CCDC88C: variants seen among roughly 807,000 people sequenced by gnomAD.
CCDC88C encodes protein Daple.
CCDC88C carries 131 observed loss-of-function variants against 198.8 expected under a neutral mutation model. The ratio of observed to expected loss-of-function variants is 0.66; its 90% CI spans 0.57 to 0.76. The LOEUF (loss-of-function observed/expected upper bound fraction) is 0.76. CCDC88C is among the 30% of genes least tolerant of loss of function. The pLI, the probability that CCDC88C is intolerant of heterozygous loss-of-function variation, is 0.00. For missense variants in CCDC88C, 2,553 were observed against 2,631.6 expected, an observed-to-expected ratio of 0.97 and a Z score of 0.65; for synonymous variants, 1,166 against 1,114.7, an observed-to-expected ratio of 1.05 and a Z score of -0.92.
rs921553905 is a variant in CCDC88C, at chr14:91,313,575, G to C, written c.2241C>G (p.Leu747=). 7.4e-6 allele frequency: 12 copies of C among 1,611,858 alleles called. No individual in the cohort carries two copies. In the African/African-American group the frequency reaches 1.6e-4, roughly 22 times the overall value. ...GCTCTGACTTCTTGCCCAGCGCCTT[G>C]AGCAGATCCACGTTCTTCCTCAGCT... is the stretch of plus-strand genomic sequence containing the variant. ...KEELRKNVDL[L]KALGKKSERL... is the part of the protein sequence containing the mutation. The change falls in exon 15 of 30, where the codon CTC becomes CTG. Residue 747 remains leucine (L), a synonymous_variant. Transcript: ENST00000389857. This position sits in a 1 kb window ranked among gnomAD's most constrained non-coding sequence, Gnocchi z 5.2.
chr14:91,327,334 A>C (rs1056134122), intron 10 of CCDC88C, among the ~76,000 whole-genome samples: 5 of 152,198 alleles, frequency 3.3e-5, no homozygotes, highest in African/African-American at 1.2e-4. Flanking sequence ...CTTTGATCAA[A>C]GCCTGGCAGG....
At position 91,339,896 on chromosome 14, in the gene CCDC88C, G is replaced by C. The variant is rs368679007; in HGVS notation, c.612C>G (p.Asp204Glu). ...LHLRRLIDQR[D>E]ECTELIVDLT... ...CCCGCGGACGCACCTCGGTGCACTCGTCCCGCTGGTCGATGAGCCTCCGCA... is the reference window on the plus strand; with the variant it reads ...CCCGCGGACGCACCTCGGTGCACTCCTCCCGCTGGTCGATGAGCCTCCGCA... Residue 204 changes from aspartate (D) to glutamate (E), a missense_variant, in exon 7 of 30, where the codon GAC becomes GAG. Coordinates refer to ENST00000389857, the MANE Select transcript of CCDC88C (RefSeq NM_001080414.4). The surrounding 1 kb of genome is among the most constrained non-coding windows in gnomAD (Gnocchi z 5.8). 19 of 1,587,484 alleles carry C rather than the reference G, an allele frequency of 1.2e-5. No individual in the cohort carries two copies. The highest frequency in any genetic ancestry group is 1.6e-5 in the Non-Finnish European group (19 of 1,168,214).
intron 4 of CCDC88C, among the ~76,000 whole-genome samples, chr14:91,357,198 A>G (rs1894073800): frequency 6.6e-6 from 1 of 152,120 alleles, no homozygotes; most frequent in South Asian, 2.1e-4. Flanking sequence ...CTCCCTATAA[A>G]CGGAAATGGG....
At chr14:91,322,994 C>T (rs1892423921) in intron 12 of CCDC88C, among the ~76,000 whole-genome samples, 2 of 151,612 alleles carry the variant, frequency 1.3e-5, no homozygotes, top group South Asian at 4.2e-4. Flanking sequence ...CAACCTCCAC[C>T]TCTCAGGTTC....
intron 29 of CCDC88C, 125 bp downstream of exon 29, chr14:91,277,797 G>T: frequency 8.9e-7 from 1 of 1,128,410 alleles, no homozygotes; most frequent in Non-Finnish European, 1.2e-6. Context: ...AGCCTCTCAT[G>T]TCCAAGCCAG....
rs532718800 is a variant in CCDC88C at position 91,355,167 on chromosome 14, G to C, written c.340+4475C>G. On this transcript the variant is annotated intron_variant, in intron 4 of 29. Coordinates refer to ENST00000389857, the MANE Select transcript of CCDC88C (RefSeq NM_001080414.4). ...CACTGCCCTGGGGAGCAGCCAGGCG[G>C]AAGCAGGGGAGCTGGTGGTGGTGAG... Among the ~76,000 whole-genome samples, 253 of 152,348 alleles carry C rather than the reference G, an allele frequency of 1.7e-3. 1 individual carries two copies. The highest frequency in any genetic ancestry group is 5.2e-3 in the African/African-American group (217 of 41,584).
At chr14:91,322,292 C>T (rs1236546733) in intron 12 of CCDC88C, among the ~76,000 whole-genome samples, 1 of 152,162 alleles carries the variant, frequency 6.6e-6, no homozygotes, top group Non-Finnish European at 1.5e-5. Flanking sequence ...TCAGATTCCC[C>T]GGGTGATCAT....
chr14:91,377,057 T>G (rs1044008905), intron 3 of CCDC88C, among the ~76,000 whole-genome samples: 2 of 148,058 alleles, frequency 1.4e-5, no homozygotes, highest in African/African-American at 2.5e-5. Flanking sequence ...ACACTGGTCT[T>G]GAAGAAAGGA....
chr14:91,392,932 T>C (rs1308077135), intron 3 of CCDC88C, among the ~76,000 whole-genome samples: 2 of 151,986 alleles, frequency 1.3e-5, no homozygotes, highest in African/African-American at 4.8e-5. Context: ...GATAATGATG[T>C]TAAATTCCAG....
chr14:91,388,000 G>A (rs1344009726), intron 3 of CCDC88C, among the ~76,000 whole-genome samples: 1 of 152,144 alleles, frequency 6.6e-6, no homozygotes, highest in Non-Finnish European at 1.5e-5. Flanking sequence ...TCCAGACAAT[G>A]CATTTTAAGG....
At chr14:91,336,548 T>C (rs1183628427) in intron 10 of CCDC88C, among the ~76,000 whole-genome samples, 1 of 149,946 alleles carries the variant, frequency 6.7e-6, no homozygotes, top group Non-Finnish European at 1.5e-5. Context: ...CGTCAGAAGC[T>C]GCCCATGTTC....
intron 21 of CCDC88C, among the ~76,000 whole-genome samples, chr14:91,298,895 T>C (rs750400054): frequency 2.0e-5 from 3 of 152,250 alleles, no homozygotes; most frequent in Non-Finnish European, 2.9e-5. Flanking sequence ...ATCCTGACTC[T>C]GCTATTCACT....
chr14:91,302,766 T>A (rs545575446), intron 20 of CCDC88C, among the ~76,000 whole-genome samples: 1 of 152,172 alleles, frequency 6.6e-6, no homozygotes, highest in African/African-American at 2.4e-5. Flanking sequence ...GAAGTTTCCA[T>A]AATTAAAGGT....
chr14:91,398,470 A>C (rs1382699657), intron 3 of CCDC88C, among the ~76,000 whole-genome samples: 2 of 152,134 alleles, frequency 1.3e-5, no homozygotes, highest in Non-Finnish European at 2.9e-5. Flanking sequence ...CCTGGCCAAC[A>C]CAGTGAGACC....
Position 91,339,216 on chromosome 14 carries a change from A to T in CCDC88C, c.809+62T>A, listed in dbSNP as rs758354414. ...TTGGCAGCACCACACATGTGAGTCG[A>T]CACCACACCAGAAACATGTCTGCAA... On this transcript the variant is annotated intron_variant, in intron 8 of 29. Transcript: ENST00000389857. This position sits in a 1 kb window ranked among gnomAD's most constrained non-coding sequence, Gnocchi z 5.8. 1.3e-6 allele frequency: 2 copies of T among 1,581,260 alleles called. No individual in the cohort carries two copies. Among genetic ancestry groups the T allele is most frequent in the Non-Finnish European group, 1.7e-6 (2 of 1,159,758 alleles).
intron 12 of CCDC88C, 28 bp downstream of exon 12, chr14:91,324,751 T>G: frequency 6.2e-7 from 1 of 1,605,562 alleles, no homozygotes; most frequent in Non-Finnish European, 8.5e-7. Flanking sequence ...ACGGCCAGGC[T>G]GGCTCCCCGG....
chr14:91,340,167 C>T (rs1893259218), intron 6 of CCDC88C, 143 bp from the exon 7 acceptor site: 16 of 1,192,938 alleles, frequency 1.3e-5, no homozygotes, highest in South Asian at 2.9e-5. Flanking sequence ...GGGTGCCCTA[C>T]GCAAGTGTGG....
intron 3 of CCDC88C, among the ~76,000 whole-genome samples, chr14:91,399,188 C>G (rs1197733602): frequency 6.6e-6 from 1 of 152,188 alleles, no homozygotes; most frequent in Non-Finnish European, 1.5e-5. Flanking sequence ...GAGCCAACCT[C>G]CCCATGGCTC....
At chr14:91,416,712 C>G (rs1420770830) in intron 2 of CCDC88C, 26 bp downstream of exon 2, 1 of 1,524,776 alleles carries the variant, frequency 6.6e-7, no homozygotes, top group Non-Finnish European at 9.1e-7. Flanking sequence ...CCATTCTTTC[C>G]TTCCTCCGAG....
Sources: allele counts gnomAD v4.1 joint callset (sites outside exome capture counted in the v4.1 genomes callset), GRCh38; gene constraint gnomAD v4.1.1; non-coding constraint Gnocchi (gnomAD v3.1); transcripts MANE v1.5; gene names NCBI Gene and HGNC (gene_info 2026-07-23, HGNC 2026-07-21).